The following SPAG17 variants were observed in gnomAD, a reference collection of about 807,000 sequenced individuals.
The protein encoded by SPAG17 is sperm-associated antigen 17.
Under a neutral mutation model 273.6 loss-of-function variants are expected in SPAG17, and 169 were observed. The observed-to-expected ratio is 0.62, with a 90% CI of 0.55 to 0.70. The LOEUF (loss-of-function observed/expected upper bound fraction) is 0.70, where lower values mean the gene tolerates loss of function less well. Ranked by LOEUF, SPAG17 falls within the 30% of genes least tolerant of loss-of-function variation. The pLI, the probability that SPAG17 is intolerant of heterozygous loss-of-function variation, is 0.00. For missense variants in SPAG17, 2,557 were observed against 2,627.8 expected (o/e 0.97, Z 0.59); for synonymous variants, 825 against 873.2 (o/e 0.94, Z 0.97).
In SPAG17 at chr1:118,184,978, G is replaced by C; in HGVS notation, c.87+93C>G. The C allele has an allele frequency of 1.5e-5, 16 of 1,052,966 alleles. No individual in the cohort carries two copies. The South Asian group carries it at 2.1e-4, about 14-fold the overall frequency. 65.2% of individuals were successfully genotyped at this position (1,052,966 alleles called of 1,614,324 possible). The stretch of plus-strand genomic sequence containing the variant: ...CATCAGGCCACGGAGAGATACGGAA[G>C]AGAGGGCGAGCCTTAAGGCGTCGCC... On this transcript the variant is annotated intron_variant, in intron 1 of 48. Transcript: ENST00000336338.
At chr1:118,012,947 G>A (rs1262280091) in intron 29 of SPAG17, among the ~76,000 whole-genome samples, 1 of 152,168 alleles carries the variant, frequency 6.6e-6, no homozygotes, top group East Asian at 1.9e-4. Flanking sequence ...AGCTTGAGGG[G>A]TATGAGAAGC....
chr1:118,041,386 C>T (rs1353290093), intron 21 of SPAG17, among the ~76,000 whole-genome samples: 1 of 151,710 alleles, frequency 6.6e-6, no homozygotes, highest in African/African-American at 2.4e-5. Context: ...TGAGAGAGAA[C>T]TGGCAAAGGG....
At chr1:118,136,057 T>C (rs998431525) in intron 3 of SPAG17, among the ~76,000 whole-genome samples, 1 of 152,214 alleles carries the variant, frequency 6.6e-6, no homozygotes, top group African/African-American at 2.4e-5. Flanking sequence ...ATAGTAAGCC[T>C]TAAATCTGCC....
At chr1:118,066,950 G>A (rs373019832) in intron 17 of SPAG17, 51 bp from the exon 18 acceptor site, 21 of 1,541,218 alleles carry the variant, frequency 1.4e-5, no homozygotes, top group Non-Finnish European at 1.8e-5. Context: ...TTCCCCAAGA[G>A]AAGGGTCTCC....
chr1:118,031,839 T>C lies in SPAG17; in HGVS notation c.3462A>G (p.Ile1154Met). The stretch of plus-strand genomic sequence containing the variant: ...GAGTGAGTGCTGAAGGGATATTCAA[T>C]ATTGTTTCTAAATCAGGATCCTTAT... ...PEDKDPDLETILNIPSALTPT... is the reference protein window; with the variant it reads ...PEDKDPDLETMLNIPSALTPT... Residue 1154 changes from isoleucine (I) to methionine (M), a missense_variant, in exon 25 of 49, where the codon ATA becomes ATG. Ile to Met is a conservative substitution (Grantham distance 10). Coordinates refer to ENST00000336338, the MANE Select transcript of SPAG17 (RefSeq NM_206996.4). The C allele has an allele frequency of 6.2e-7, 1 of 1,606,780 alleles. No homozygotes were observed. Among genetic ancestry groups the C allele is most frequent in the African/African-American group, 1.3e-5 (1 of 74,872 alleles).
chr1:118,101,207 G>A (rs781232486), intron 5 of SPAG17, among the ~76,000 whole-genome samples: 2 of 152,124 alleles, frequency 1.3e-5, no homozygotes, highest in South Asian at 2.1e-4. Context: ...TTGAGCCCAG[G>A]TGTTCAAGGC....
chr1:118,109,589 T>C (rs1656636253), intron 4 of SPAG17, among the ~76,000 whole-genome samples: 1 of 143,810 alleles, frequency 7.0e-6, no homozygotes, highest in Non-Finnish European at 1.5e-5. Context: ...ATAATAATAA[T>C]GCATATACAT....
intron 3 of SPAG17, among the ~76,000 whole-genome samples, chr1:118,119,617 G>T (rs1397393901): frequency 6.6e-6 from 1 of 152,192 alleles, no homozygotes; most frequent in Non-Finnish European, 1.5e-5. Context: ...ACTTAGGATT[G>T]CTTTGGATAT....
intron 13 of SPAG17, among the ~76,000 whole-genome samples, chr1:118,085,627 T>C (rs1228225866): frequency 6.6e-6 from 1 of 152,082 alleles, no homozygotes; most frequent in Non-Finnish European, 1.5e-5. Flanking sequence ...ATGGGAGTAT[T>C]TGGGACAGAG....
At chr1:117,992,041 G>A (rs1657156412) in intron 36 of SPAG17, among the ~76,000 whole-genome samples, 1 of 152,148 alleles carries the variant, frequency 6.6e-6, no homozygotes, top group Admixed American at 6.5e-5. Context: ...TGTACTGAGG[G>A]AGTTAACAAA....
chr1:118,003,083 G>A (rs1658488862), intron 32 of SPAG17, among the ~76,000 whole-genome samples: 1 of 152,150 alleles, frequency 6.6e-6, no homozygotes, highest in Non-Finnish European at 1.5e-5. Flanking sequence ...CTTCACTTAT[G>A]AAGCTTAGTT....
chr1:118,081,654 C>G lies in SPAG17; in HGVS notation c.1763-12G>C. ...CCAGCTCAAGACATCTGTAAGAAAG[C>G]AGAACCAGTGCTGCTGGAAATGTTC... is the stretch of plus-strand genomic sequence containing the variant. On this transcript the variant is annotated splice_polypyrimidine_tract_variant and intron_variant, in intron 13 of 48. Coordinates refer to ENST00000336338, the MANE Select transcript of SPAG17 (RefSeq NM_206996.4). 1.9e-6 allele frequency: 3 copies of G among 1,607,740 alleles called. No homozygotes were observed. Among genetic ancestry groups the G allele is most frequent in the Non-Finnish European group, 2.6e-6 (3 of 1,174,482 alleles).
At chr1:118,074,738 C>T (rs74970458) in intron 15 of SPAG17, 138 bp from the exon 16 acceptor site, 4 of 734,756 alleles carry the variant, frequency 5.4e-6, no homozygotes, top group Middle Eastern at 2.4e-4. Flanking sequence ...ATGTTTTGTG[C>T]CTCCAGAAAG....
chr1:118,015,435 G>T (rs1449973418), intron 29 of SPAG17, among the ~76,000 whole-genome samples: 1 of 152,072 alleles, frequency 6.6e-6, no homozygotes, highest in African/African-American at 2.4e-5. Context: ...TAGAGTTTTG[G>T]ATTCTTGAGT....
At chr1:118,178,140 T>C (rs2102406116) in intron 1 of SPAG17, among the ~76,000 whole-genome samples, 1 of 152,254 alleles carries the variant, frequency 6.6e-6, no homozygotes, top group South Asian at 2.1e-4. Context: ...TCAGTATCAC[T>C]GATAAAGTGA....
Position 117,971,923 on chromosome 1 carries a change from T to A in SPAG17, c.6266A>T (p.Lys2089Met). The A allele has an allele frequency of 6.2e-7, 1 of 1,614,142 alleles. No homozygotes were observed. The change falls in exon 45 of 49, where the codon AAG (lysine) becomes ATG (methionine). Residue 2089 changes from lysine to methionine, a missense_variant. Transcript: ENST00000336338. The stretch of plus-strand genomic sequence containing the variant: ...AACTGTGGCATAGGTATGTCCTTCC[T>A]TAAGCACTCCAAACTTGACTGATGA... ...LPSSVKFGVLKEGHTYATVVK... is the reference protein window; with the variant it reads ...LPSSVKFGVLMEGHTYATVVK...
At chr1:117,973,027 C>T (rs1654745564) in intron 44 of SPAG17, among the ~76,000 whole-genome samples, 1 of 152,164 alleles carries the variant, frequency 6.6e-6, no homozygotes, top group Non-Finnish European at 1.5e-5. Flanking sequence ...GCCAATGATT[C>T]CTTTAGCCAG....
chr1:118,149,022 G>A (rs751797501), intron 3 of SPAG17, among the ~76,000 whole-genome samples: 10 of 152,130 alleles, frequency 6.6e-5, no homozygotes, highest in Non-Finnish European at 1.0e-4. Context: ...TTGCTTCAGC[G>A]ACTGGCATTA....
intron 35 of SPAG17, among the ~76,000 whole-genome samples, chr1:117,993,583 A>G (rs1442487481): frequency 6.6e-6 from 1 of 152,154 alleles, no homozygotes; most frequent in African/African-American, 2.4e-5. Context: ...ATAGTCACCA[A>G]ATTTAACCAC....
Sources: allele counts gnomAD v4.1 joint callset (sites outside exome capture counted in the v4.1 genomes callset), GRCh38; gene constraint gnomAD v4.1.1; transcripts MANE v1.5; gene names NCBI Gene and HGNC (gene_info 2026-07-23, HGNC 2026-07-21).